The following B4GALT5 variants were observed in gnomAD, a reference collection of about 807,000 sequenced individuals.
B4GALT5 encodes the protein beta-1,4-galactosyltransferase 5.
A neutral mutation model predicts 45.0 loss-of-function variants in B4GALT5; 11 were observed. The observed-to-expected ratio is 0.24, with a 90% CI of 0.15 to 0.40. The LOEUF is 0.40. Among genes scored for constraint, B4GALT5 ranks in the 10% least tolerant of loss-of-function variants. B4GALT5 has a pLI of 1.00. For synonymous variants in B4GALT5, 185 were observed against 182.9 expected, an observed-to-expected ratio of 1.01 and a Z score of -0.09; for missense variants, 337 against 500.2, an observed-to-expected ratio of 0.67 and a Z score of 3.11.
At chr20:49,700,854 G>C (rs767061573) in intron 1 of B4GALT5, among the ~76,000 whole-genome samples, 3 of 152,144 alleles carry the variant, frequency 2.0e-5, no homozygotes. Flanking sequence ...TTTATTTCTG[G>C]AATTTTCCAT....
chr20:49,664,087 T>C (rs2085678580), intron 1 of B4GALT5, among the ~76,000 whole-genome samples: 1 of 152,134 alleles, frequency 6.6e-6, no homozygotes, highest in African/African-American at 2.4e-5. Flanking sequence ...AGGTCATCCC[T>C]TTACCAAATG....
At chr20:49,641,115 CA>C (rs956796436) in intron 5 of B4GALT5, among the ~76,000 whole-genome samples, 1 of 147,966 alleles carries the variant, frequency 6.8e-6, no homozygotes, top group East Asian at 2.0e-4. Flanking sequence ...ACTCCATCTC[CA>C]AAAAAAAGAA....
At chr20:49,637,617 A>C (rs2085559629) in intron 7 of B4GALT5, among the ~76,000 whole-genome samples, 175 bp from the exon 8 acceptor site, 1 of 152,182 alleles carries the variant, frequency 6.6e-6, no homozygotes, top group Admixed American at 6.5e-5. Context: ...CTCAATTTTA[A>C]CTGAATTAAA....
At chr20:49,687,779 G>A (rs1469718875) in intron 1 of B4GALT5, among the ~76,000 whole-genome samples, 1 of 152,120 alleles carries the variant, frequency 6.6e-6, no homozygotes, top group Non-Finnish European at 1.5e-5. Context: ...ATGCACATGT[G>A]CAAGATTTGC....
intron 1 of B4GALT5, among the ~76,000 whole-genome samples, chr20:49,710,360 T>C (rs1218308833): frequency 6.6e-6 from 1 of 152,046 alleles, no homozygotes; most frequent in East Asian, 1.9e-4. Flanking sequence ...AAAACAGAAA[T>C]TTCATATGGC....
chr20:49,640,490 T>C lies in B4GALT5; in HGVS notation c.782A>G (p.Lys261Arg). Residue 261 changes from lysine (K) to arginine (R), a missense_variant, in exon 6 of 9, where the codon AAG (lysine) becomes AGG (arginine). Around this residue, in one of 2 missense-constraint regions of B4GALT5, gnomAD observed 163 missense variants for 292.8 expected, o/e 0.56. Transcript: ENST00000371711. The stretch of plus-strand genomic sequence containing the variant: ...AAATGATACTCACAGATACATATAC[T>C]TATCCAATTTGGTTGCAAAATGCCT... ...MPRHFATKLD[K>R]YMYLLPYTEF... The C allele has an allele frequency of 6.2e-7, 1 of 1,607,378 alleles. No individual in the cohort carries two copies. Among genetic ancestry groups the C allele is most frequent in the Non-Finnish European group, 8.5e-7 (1 of 1,177,834 alleles).
intron 1 of B4GALT5, among the ~76,000 whole-genome samples, chr20:49,676,104 A>G (rs2085736065): frequency 6.7e-6 from 1 of 149,780 alleles, no homozygotes; most frequent in African/African-American, 2.5e-5. Context: ...CAGTCCACCG[A>G]TGGGCCAACT....
At chr20:49,683,862 C>T (rs1339110029) in intron 1 of B4GALT5, among the ~76,000 whole-genome samples, 1 of 151,918 alleles carries the variant, frequency 6.6e-6, no homozygotes, top group Non-Finnish European at 1.5e-5. Context: ...AGACTGCAGC[C>T]AGGCACGGTG....
At chr20:49,640,031 G>A (rs1207089848) in intron 6 of B4GALT5, among the ~76,000 whole-genome samples, 1 of 152,136 alleles carries the variant, frequency 6.6e-6, no homozygotes, top group East Asian at 1.9e-4. Context: ...TCATTCAATG[G>A]TTTTAGTTTA....
Position 49,633,119 on chromosome 20 carries a change from G to C in B4GALT5, c.*3193C>G, listed in dbSNP as rs7265942. On this transcript the variant is annotated 3_prime_UTR_variant, in exon 9 of 9. Coordinates refer to ENST00000371711, the MANE Select transcript of B4GALT5 (RefSeq NM_004776.4). ...ATGTACCCCTGGCACCTCTTAAAAC[G>C]TAAGAGCAAGCTCAAAAACACGTAG... The C allele has an allele frequency of 6.6e-6, 1 of 152,666 alleles. No homozygotes were observed. Among genetic ancestry groups the C allele is most frequent in the South Asian group, 2.1e-4 (1 of 4,822 alleles). 9.5% of individuals were successfully genotyped at this position (152,666 alleles called of 1,614,324 possible). A position where few individuals can be genotyped will look rare whatever the true frequency, so the allele number is the denominator to read the frequency against.
chr20:49,670,113 G>A (rs1354104213), intron 1 of B4GALT5, among the ~76,000 whole-genome samples: 1 of 152,148 alleles, frequency 6.6e-6, no homozygotes, highest in Non-Finnish European at 1.5e-5. Context: ...TAATAAACTT[G>A]CTTTCACTTA....
chr20:49,659,677 T>C (rs1458056905), intron 1 of B4GALT5, among the ~76,000 whole-genome samples: 1 of 152,138 alleles, frequency 6.6e-6, no homozygotes, highest in Non-Finnish European at 1.5e-5. Flanking sequence ...CTCACCAATA[T>C]CATCGAATGC....
chr20:49,657,423 C>T (rs2085648031), intron 1 of B4GALT5, among the ~76,000 whole-genome samples: 1 of 152,196 alleles, frequency 6.6e-6, no homozygotes, highest in Non-Finnish European at 1.5e-5. Context: ...CTTGCATTTT[C>T]CTGAAGTCTC....
chr20:49,692,841 T>C (rs2085821494), intron 1 of B4GALT5, among the ~76,000 whole-genome samples: 1 of 152,212 alleles, frequency 6.6e-6, no homozygotes. Flanking sequence ...TTATCCAAAA[T>C]GTTGCGATTC....
At position 49,633,439 on chromosome 20, in the gene B4GALT5, GTTT is replaced by G. The variant is rs10651275; in HGVS notation, c.*2870_*2872del. ...ATGCACAAGGTCACATTTGGTTCCT[GTTT>G]TTTTTTTTAACATGACAATTTCACA... On this transcript the variant is annotated 3_prime_UTR_variant, in exon 9 of 9. Transcript: ENST00000371711. 2.7e-5 allele frequency: 4 copies of G among 146,246 alleles called. No individual in the cohort carries two copies. The highest frequency in any genetic ancestry group is 1.0e-4 in the African/African-American group (4 of 39,360). The allele number at this position is 146,246 out of a possible 1,614,324, so 9.1% of individuals were successfully genotyped here. A position where few individuals can be genotyped will look rare whatever the true frequency, so the allele number is the denominator to read the frequency against.
intron 1 of B4GALT5, among the ~76,000 whole-genome samples, chr20:49,700,234 G>A (rs2085856111): frequency 1.3e-5 from 2 of 151,970 alleles, no homozygotes; most frequent in African/African-American, 2.4e-5. Flanking sequence ...TTTTTGGTTT[G>A]CAACAAATAT....
At chr20:49,708,386 T>C (rs2085893899) in intron 1 of B4GALT5, among the ~76,000 whole-genome samples, 2 of 152,242 alleles carry the variant, frequency 1.3e-5, no homozygotes, top group African/African-American at 4.8e-5. Flanking sequence ...CTCTAAAAGA[T>C]TGACTAAGAT....
chr20:49,695,903 G>C (rs1342858152), intron 1 of B4GALT5, among the ~76,000 whole-genome samples: 2 of 152,164 alleles, frequency 1.3e-5, no homozygotes, highest in African/African-American at 4.8e-5. Context: ...CAGAAGCAAA[G>C]AAATATGCTG....
At chr20:49,698,635 A>G (rs1475941264) in intron 1 of B4GALT5, among the ~76,000 whole-genome samples, 1 of 152,154 alleles carries the variant, frequency 6.6e-6, no homozygotes. Flanking sequence ...AGCATGAACC[A>G]CACAATGAAG....
Sources: allele counts gnomAD v4.1 joint callset (sites outside exome capture counted in the v4.1 genomes callset), GRCh38; gene constraint gnomAD v4.1.1; regional missense constraint gnomAD v4.1.1; transcripts MANE v1.5; gene names NCBI Gene and HGNC (gene_info 2026-07-23, HGNC 2026-07-21).